PLEKHG5: variants seen among roughly 807,000 people sequenced by gnomAD.
PLEKHG5 encodes pleckstrin homology and RhoGEF domain containing G5, also known as pleckstrin homology domain-containing family G member 5.
In PLEKHG5, 52 loss-of-function variants were observed where a neutral mutation model predicts 103.8. The ratio of observed to expected loss-of-function variants is 0.50; its 90% CI spans 0.40 to 0.63. The LOEUF (loss-of-function observed/expected upper bound fraction) is 0.63, where lower values mean the gene tolerates loss of function less well. PLEKHG5 is among the 30% of genes least tolerant of loss of function. The probability of loss-of-function intolerance (pLI) is 0.00; values close to 1 mark genes in which losing one functional copy is unlikely to be tolerated. For synonymous variants in PLEKHG5, 592 were observed against 575.5 expected (o/e 1.03, Z -0.41); for missense variants, 1,205 against 1,347.6 (o/e 0.89, Z 1.66).
At chr1:6,489,891 C>G (rs115709554) in intron 1 of PLEKHG5, among the ~76,000 whole-genome samples, 2,031 of 152,300 alleles carry the variant, frequency 0.013, 48 homozygotes, top group African/African-American at 0.046. Context: ...TGAGGAGTTA[C>G]TAAGGAATCT....
chr1:6,499,567 G>A (rs953579499), upstream of PLEKHG5, among the ~76,000 whole-genome samples: 1 of 152,182 alleles, frequency 6.6e-6, no homozygotes, highest in Non-Finnish European at 1.5e-5. Flanking sequence ...CTGCAGACAC[G>A]AAGAAAAATC....
intron 1 of PLEKHG5, chr1:6,506,125 C>A (rs1020629346): frequency 6.5e-6 from 1 of 152,814 alleles, no homozygotes; most frequent in Non-Finnish European, 1.5e-5. Flanking sequence ...GCCTCCAGCT[C>A]GTAGGTGCCC....
chr1:6,487,777 A>G lies in PLEKHG5; in HGVS notation c.-88+3860T>C, dbSNP rs1252273376. Among the ~76,000 whole-genome samples the G allele has an allele frequency of 6.6e-6, 1 of 152,050 alleles. No homozygotes were observed. Among genetic ancestry groups the G allele is most frequent in the African/African-American group, 2.4e-5 (1 of 41,374 alleles). ...AATTCATTTCTTTGTTCACTTTTTT[A>G]TCATCATTCTTCCCTACCAGACTGT... On this transcript the variant is annotated intron_variant, in intron 1 of 20. Coordinates refer to ENST00000377728, the MANE Select transcript of PLEKHG5 (RefSeq NM_020631.6). The surrounding 1 kb of genome is among the most constrained non-coding windows in gnomAD (Gnocchi z 4.1).
At chr1:6,497,216 G>A (rs1645239930), upstream of PLEKHG5, 1 of 864,094 alleles carries the variant, frequency 1.2e-6, no homozygotes, top group Non-Finnish European at 1.9e-6. This position sits in a 1 kb window ranked among gnomAD's most constrained non-coding sequence, Gnocchi z 6.1. Context: ...CCCGGTCGGC[G>A]CCCACCCCCT....
intron 9 of PLEKHG5, 30 bp from the exon 10 acceptor site, chr1:6,472,652 G>A (rs899633444): frequency 7.9e-6 from 12 of 1,524,518 alleles, no homozygotes; most frequent in South Asian, 1.1e-5. Context: ...GGTCATTCAC[G>A]AGGCCTGGAG....
intron 1 of PLEKHG5, among the ~76,000 whole-genome samples, chr1:6,507,338 G>T (rs1638352884): frequency 6.6e-6 from 1 of 152,152 alleles, no homozygotes; most frequent in African/African-American, 2.4e-5. Flanking sequence ...CCAACTTGGG[G>T]ACCTGAACAA....
rs780296490 is a variant in PLEKHG5, at chr1:6,468,373, G to C, written c.2463C>G (p.Thr821=). The part of the protein sequence containing the change: ...RSCSMDSAYG[T]LSPTSLQDFV... ...AGTCTTGTAAGGAGGTTGGGGAGAG[G>C]GTGCCGTAGGCAGAGTCCATGGAGC... The change falls in exon 20 of 21, where the codon ACC becomes ACG. Residue 821 remains threonine (T), a synonymous_variant. Transcript: ENST00000377728. 4 of 1,609,514 alleles carry C rather than the reference G, an allele frequency of 2.5e-6. No homozygotes were observed. The East Asian group carries it at 6.7e-5, about 27-fold the overall frequency.
In PLEKHG5 at chr1:6,491,377, GCTCCTGGCTGGGCCAGGGATC is replaced by G. The variant is rs1202936354; in HGVS notation, c.-88+239_-88+259del. ...TTGGGGCTGGGCCTATACTAGGGCAGCTCCTGGCTGGGCCAGGGATCCCCACGTCTTCACCTGCTCCCCCAA... is the reference window on the plus strand; with the variant it reads ...TTGGGGCTGGGCCTATACTAGGGCAGCCCACGTCTTCACCTGCTCCCCCAA... On this transcript the variant is annotated intron_variant, in intron 1 of 20. Coordinates refer to ENST00000377728, the MANE Select transcript of PLEKHG5 (RefSeq NM_020631.6). The surrounding 1 kb of genome is among the most constrained non-coding windows in gnomAD (Gnocchi z 4.1). Among the ~76,000 whole-genome samples the G allele has an allele frequency of 2.0e-5, 3 of 152,184 alleles. No individual in the cohort carries two copies. Among genetic ancestry groups the G allele is most frequent in the Non-Finnish European group, 4.4e-5 (3 of 68,034 alleles).
At position 6,467,362 on chromosome 1, in the gene PLEKHG5, G is replaced by A; in HGVS notation, c.*201C>T. ...GTGACGAGGGGCTGCCTGGGCAGGTGGGGTGGTACTGTGGCCTGGGCCTCC... is the reference window on the plus strand; with the variant it reads ...GTGACGAGGGGCTGCCTGGGCAGGTAGGGTGGTACTGTGGCCTGGGCCTCC... On this transcript the variant is annotated 3_prime_UTR_variant, in exon 21 of 21. Transcript: ENST00000377728. 1.4e-6 allele frequency: 1 copy of A among 706,412 alleles called. No individual in the cohort carries two copies. 43.8% of individuals were successfully genotyped at this position (706,412 alleles called of 1,614,324 possible). A position where few individuals can be genotyped will look rare whatever the true frequency, so the allele number is the denominator to read the frequency against.
intron 6 of PLEKHG5, 121 bp from the exon 7 acceptor site, chr1:6,474,285 C>A: frequency 7.4e-7 from 1 of 1,353,696 alleles, no homozygotes; most frequent in Non-Finnish European, 1.0e-6. Flanking sequence ...ACAGCCCCGC[C>A]CTGCCAGCAC....
Position 6,490,698 on chromosome 1 carries a change from G to T in PLEKHG5, c.-88+939C>A. On this transcript the variant is annotated intron_variant, in intron 1 of 20. Coordinates refer to ENST00000377728, the MANE Select transcript of PLEKHG5 (RefSeq NM_020631.6). The surrounding 1 kb of genome is among the most constrained non-coding windows in gnomAD (Gnocchi z 8.0). ...GGGGAGAGGAGGGGTCCCAGGAAGG[G>T]CCCCGCGCCGGAGCCAGGGAGGTGG... is the stretch of plus-strand genomic sequence containing the variant. 1.4e-6 allele frequency: 1 copy of T among 723,828 alleles called. No homozygotes were observed. Among genetic ancestry groups the T allele is most frequent in the Non-Finnish European group, 1.7e-6 (1 of 591,400 alleles). The allele number at this position is 723,828 out of a possible 1,614,324, so 44.8% of individuals were successfully genotyped here. A position where few individuals can be genotyped will look rare whatever the true frequency, so the allele number is the denominator to read the frequency against.
chr1:6,491,265 C>G lies in PLEKHG5; in HGVS notation c.-88+372G>C, dbSNP rs930230973. Reference sequence around the variant, plus strand: ...TCGAGGAGGTGGAGTTCAGGTCCACCAACCTGTTCCGCACTTTCAAGCTTT... The same window carrying G: ...TCGAGGAGGTGGAGTTCAGGTCCACGAACCTGTTCCGCACTTTCAAGCTTT... On this transcript the variant is annotated intron_variant, in intron 1 of 20. Transcript: ENST00000377728. The surrounding 1 kb of genome is among the most constrained non-coding windows in gnomAD (Gnocchi z 4.1). 6.6e-6 allele frequency among the ~76,000 whole-genome samples: 1 copy of G among 152,098 alleles called. No homozygotes were observed. Among genetic ancestry groups the G allele is most frequent in the African/African-American group, 2.4e-5 (1 of 41,396 alleles).
upstream of PLEKHG5, among the ~76,000 whole-genome samples, chr1:6,498,190 C>T (rs1645255303): frequency 6.6e-6 from 1 of 152,220 alleles, no homozygotes; most frequent in Admixed American, 6.5e-5. Flanking sequence ...ACCCCCAGCC[C>T]ACCCTGCACA....
intron 10 of PLEKHG5, among the ~76,000 whole-genome samples, chr1:6,472,324 G>A (rs1197812379): frequency 1.3e-5 from 2 of 152,272 alleles, no homozygotes; most frequent in African/African-American, 4.8e-5. Flanking sequence ...TGCTAATTCA[G>A]CTGAACCTGA....
chr1:6,485,394 C>T lies in PLEKHG5; in HGVS notation c.-88+6243G>A, dbSNP rs1266342389. 7 of 1,389,722 alleles carry T rather than the reference C, an allele frequency of 5.0e-6. No individual in the cohort carries two copies. The East Asian group carries it at 2.1e-4, about 42-fold the overall frequency. The allele number at this position is 1,389,722 out of a possible 1,614,324, so 86.1% of individuals were successfully genotyped here. A position where few individuals can be genotyped will look rare whatever the true frequency, so the allele number is the denominator to read the frequency against. On this transcript the variant is annotated intron_variant, in intron 1 of 20. Coordinates refer to ENST00000377728, the MANE Select transcript of PLEKHG5 (RefSeq NM_020631.6). ...CGAGTCCCGGAGGGGCAGCCCCGGG[C>T]CCGGCCTGGAGGCTGCTAGGCGTCC...
Position 6,470,749 on chromosome 1 carries a change from CCTCCTTGGCGCGCGG to C in PLEKHG5, c.1513_1527del (p.Pro505_Glu509del). The C allele has an allele frequency of 6.4e-7, 1 of 1,560,922 alleles. No individual in the cohort carries two copies. The highest frequency in any genetic ancestry group is 8.7e-7 in the Non-Finnish European group (1 of 1,154,564). ...ATCAGGGTTACCATGGCGACGACGG[CCTCCTTGGCGCGCGG>C]CTCCTCGGTCTTCCTCAGCACCGAC... On this transcript the variant is annotated inframe_deletion, in exon 14 of 21. Coordinates refer to ENST00000377728, the MANE Select transcript of PLEKHG5 (RefSeq NM_020631.6).
rs1023666499 is a variant in PLEKHG5, at chr1:6,484,043, C to A, written c.-87-6385G>T. Among the ~76,000 whole-genome samples, 3 of 152,208 alleles carry A rather than the reference C, an allele frequency of 2.0e-5. No homozygotes were observed. In the South Asian group the frequency reaches 6.2e-4, roughly 31 times the overall value. ...CAGGTAGGGGGTGACAAGGAAGGAG[C>A]CGTGCTAGGTCGGAGGAGTTCTGGG... On this transcript the variant is annotated intron_variant, in intron 1 of 20. Transcript: ENST00000377728.
Position 6,470,529 on chromosome 1 carries a change from T to C in PLEKHG5, c.1657A>G (p.Ser553Gly). ...ACCTTGTCCACTTCGTCGCTGCTGC[T>C]TTCCACCACCTCGTAGGCGTCGATG... Reference protein sequence around the residue: ...SRIDAYEVVESSSDEVDKLLK... With the variant: ...SRIDAYEVVEGSSDEVDKLLK... Residue 553 changes from serine (S) to glycine (G), a missense_variant, in exon 15 of 21, where the codon AGC becomes GGC. Physicochemically the swap from Ser to Gly is moderately conservative, Grantham distance 56. Transcript: ENST00000377728. 6.2e-7 allele frequency: 1 copy of C among 1,609,150 alleles called. No individual in the cohort carries two copies. Among genetic ancestry groups the C allele is most frequent in the Non-Finnish European group, 8.5e-7 (1 of 1,179,864 alleles).
At chr1:6,500,521 C>A (rs569620817), upstream of PLEKHG5, among the ~76,000 whole-genome samples, 4 of 151,004 alleles carry the variant, frequency 2.6e-5, no homozygotes, top group African/African-American at 9.7e-5. Flanking sequence ...ACCCTGAACT[C>A]CCCCCTCCGC....
Sources: allele counts gnomAD v4.1 joint callset (sites outside exome capture counted in the v4.1 genomes callset), GRCh38; gene constraint gnomAD v4.1.1; non-coding constraint Gnocchi (gnomAD v3.1); transcripts MANE v1.5; gene names NCBI Gene and HGNC (gene_info 2026-07-23, HGNC 2026-07-21).